FAF1: variants seen among roughly 807,000 people sequenced by gnomAD.
FAF1 encodes Fas associated factor 1.
In FAF1, 25 loss-of-function variants were observed where a neutral mutation model predicts 92.5. That is an observed-to-expected ratio of 0.27 (90% CI 0.20 to 0.38). FAF1 has a LOEUF of 0.38. FAF1 is among the 10% of genes least tolerant of loss of function. FAF1 has a pLI of 1.00. For missense variants in FAF1, 636 were observed against 793.3 expected (o/e 0.80, Z 2.38); for synonymous variants, 234 against 273.2 (o/e 0.86, Z 1.42).
At position 50,655,457 on chromosome 1, in the gene FAF1, A is replaced by G. The variant is rs1260459817; in HGVS notation, c.729T>C (p.Ser243=). The change falls in exon 8 of 19, where the codon TCT becomes TCC. Residue 243 remains serine (S), a synonymous_variant. Transcript: ENST00000396153. ...TGTCACTTACTGAGTCGTCTGTAGC[A>G]GAAGTTGGCCAGCCCTCCCATAATT... ...RHQLWEGWPT[S]ATDDSMCLAE... is the part of the protein sequence containing the mutation. The G allele has an allele frequency of 6.2e-7, 1 of 1,612,932 alleles. No homozygotes were observed. The highest frequency in any genetic ancestry group is 8.5e-7 in the Non-Finnish European group (1 of 1,178,962).
At chr1:50,482,256 A>G (rs568773336) in intron 17 of FAF1, among the ~76,000 whole-genome samples, 81 of 152,292 alleles carry the variant, frequency 5.3e-4, no homozygotes, top group African/African-American at 1.9e-3. Flanking sequence ...TTCACTTAGC[A>G]TAATATATTT....
intron 4 of FAF1, among the ~76,000 whole-genome samples, chr1:50,773,740 G>C (rs1660853921): frequency 6.6e-6 from 1 of 152,148 alleles, no homozygotes; most frequent in Non-Finnish European, 1.5e-5. Flanking sequence ...TGATCAGTTA[G>C]ACAGAAGGAA....
At chr1:50,823,294 G>A (rs574782396) in intron 2 of FAF1, among the ~76,000 whole-genome samples, 1 of 152,280 alleles carries the variant, frequency 6.6e-6, no homozygotes, top group South Asian at 2.1e-4. Context: ...CAGGAAAGTA[G>A]GTGGCAATTA....
chr1:50,637,706 T>TGTGTGTGTGCGC (rs1186385884), intron 8 of FAF1, among the ~76,000 whole-genome samples: 3 of 150,332 alleles, frequency 2.0e-5, no homozygotes, highest in Non-Finnish European at 4.4e-5. Flanking sequence ...TGTGTGTGTG[T>TGTGTGTGTGCGC]GTGTGTGCGT....
chr1:50,651,404 C>T (rs989737661), intron 8 of FAF1, among the ~76,000 whole-genome samples: 6 of 152,238 alleles, frequency 3.9e-5, no homozygotes, highest in African/African-American at 1.4e-4. Context: ...ATTTTTAGAA[C>T]ATTTTCATCA....
At chr1:50,514,427 T>C (rs1435361612) in intron 15 of FAF1, among the ~76,000 whole-genome samples, 1 of 152,168 alleles carries the variant, frequency 6.6e-6, no homozygotes, top group African/African-American at 2.4e-5. Context: ...ATAAGGATTA[T>C]GGCAAATCTG....
At chr1:50,443,029 C>T (rs1253587128) in intron 18 of FAF1, among the ~76,000 whole-genome samples, 7 of 152,192 alleles carry the variant, frequency 4.6e-5, no homozygotes, top group Admixed American at 3.9e-4. Context: ...CCCCAATTAA[C>T]GTACAATACT....
At chr1:50,741,928 G>A (rs1424080496) in intron 5 of FAF1, among the ~76,000 whole-genome samples, 1 of 152,172 alleles carries the variant, frequency 6.6e-6, no homozygotes, top group Non-Finnish European at 1.5e-5. Context: ...ATTCAAAAAA[G>A]TATGAGCTGA....
At chr1:50,752,915 C>T (rs1051837006) in intron 4 of FAF1, among the ~76,000 whole-genome samples, 1 of 152,114 alleles carries the variant, frequency 6.6e-6, no homozygotes, top group African/African-American at 2.4e-5. Flanking sequence ...AACTCCTGAC[C>T]TGAAGTGTTC....
At chr1:50,884,192 T>C (rs1644637750) in intron 1 of FAF1, among the ~76,000 whole-genome samples, 3 of 151,788 alleles carry the variant, frequency 2.0e-5, no homozygotes, top group Non-Finnish European at 4.4e-5. Flanking sequence ...TATGTATACA[T>C]AGAAATAAAA....
chr1:50,800,225 C>T (rs1003952137), intron 3 of FAF1, among the ~76,000 whole-genome samples: 3 of 152,166 alleles, frequency 2.0e-5, no homozygotes, highest in Non-Finnish European at 4.4e-5. Flanking sequence ...GAAGTTTCTA[C>T]AGTTCACCTA....
At chr1:50,618,229 G>A (rs1653018598) in intron 8 of FAF1, among the ~76,000 whole-genome samples, 2 of 151,872 alleles carry the variant, frequency 1.3e-5, no homozygotes, top group South Asian at 4.2e-4. Context: ...TAGGTTTAAT[G>A]TTAAATTGTT....
At chr1:50,805,960 A>C (rs1662180878) in intron 2 of FAF1, among the ~76,000 whole-genome samples, 1 of 152,222 alleles carries the variant, frequency 6.6e-6, no homozygotes, top group East Asian at 1.9e-4. Flanking sequence ...CCAAGAAAAC[A>C]AAGAAGAAAA....
chr1:50,646,348 T>A (rs1200578085), intron 8 of FAF1, among the ~76,000 whole-genome samples: 1 of 152,228 alleles, frequency 6.6e-6, no homozygotes, highest in Non-Finnish European at 1.5e-5. Flanking sequence ...TGCTTAGTTT[T>A]GATAACTTAA....
chr1:50,558,972 C>T (rs970481532), intron 13 of FAF1, among the ~76,000 whole-genome samples: 2 of 152,002 alleles, frequency 1.3e-5, no homozygotes, highest in African/African-American at 2.4e-5. Flanking sequence ...CTATTTTGGC[C>T]GGACGAGGAG....
Position 50,647,489 on chromosome 1 carries a change from T to A in FAF1, c.744+7953A>T, listed in dbSNP as rs185401480. 3.2e-4 allele frequency among the ~76,000 whole-genome samples: 49 copies of A among 152,336 alleles called. 1 individual carries two copies. In the East Asian group the frequency reaches 8.5e-3, roughly 26 times the overall value. On this transcript the variant is annotated intron_variant, in intron 8 of 18. Transcript: ENST00000396153. ...ATTCTGGAGGCTGCCAATTTGCGAATCATTTTTTTTTCTTGTTCAATTAAA... is the reference window on the plus strand; with the variant it reads ...ATTCTGGAGGCTGCCAATTTGCGAAACATTTTTTTTTCTTGTTCAATTAAA...
intron 7 of FAF1, among the ~76,000 whole-genome samples, chr1:50,690,608 C>G (rs1012924804): frequency 6.6e-6 from 1 of 151,838 alleles, no homozygotes; most frequent in Non-Finnish European, 1.5e-5. Flanking sequence ...CAAAAACAAA[C>G]AAACAAACAA....
intron 1 of FAF1, among the ~76,000 whole-genome samples, chr1:50,910,503 G>A (rs1644875870): frequency 1.3e-5 from 2 of 152,180 alleles, no homozygotes; most frequent in South Asian, 4.1e-4. Flanking sequence ...ACAGAGGCAG[G>A]CAGGCCTCTT....
At chr1:50,572,988 G>A (rs996954175) in intron 12 of FAF1, among the ~76,000 whole-genome samples, 4 of 151,996 alleles carry the variant, frequency 2.6e-5, no homozygotes, top group East Asian at 3.9e-4. Flanking sequence ...CCTGGCCTGC[G>A]AAGGTGATAC....
Sources: gnomAD v4.1 joint callset for allele counts (sites outside exome capture counted in the v4.1 genomes callset) on GRCh38, gnomAD v4.1.1 for gene constraint, MANE v1.5 for transcripts, NCBI Gene and HGNC (gene_info 2026-07-23, HGNC 2026-07-21) for gene names.